DGKD: variants seen among roughly 807,000 people sequenced by gnomAD.
DGKD encodes DAG kinase delta.
In DGKD, 68 loss-of-function variants were observed where a neutral mutation model predicts 154.4. The observed-to-expected ratio is 0.44, with a 90% CI of 0.36 to 0.54. The LOEUF (loss-of-function observed/expected upper bound fraction) is 0.54, where lower values mean the gene tolerates loss of function less well. Among genes scored for constraint, DGKD ranks in the 20% least tolerant of loss-of-function variants. DGKD has a pLI of 0.00. For missense variants in DGKD, 1,343 were observed against 1,593.6 expected (o/e 0.84, Z 2.68); for synonymous variants, 693 against 638.0 (o/e 1.09, Z -1.30).
chr2:233,387,187 A>G (rs1274067605), intron 1 of DGKD, among the ~76,000 whole-genome samples: 2 of 152,140 alleles, frequency 1.3e-5, no homozygotes, highest in African/African-American at 4.8e-5. Context: ...GTGTTTGTGG[A>G]TACTTAAGAA....
intron 28 of DGKD, among the ~76,000 whole-genome samples, chr2:233,467,824 G>T (rs558838287): frequency 1.8e-4 from 27 of 152,338 alleles, no homozygotes. Flanking sequence ...GGCAGCTCCT[G>T]TGGGTTTTTC....
At chr2:233,385,979 A>AAGATTGTGCGTGTGCGTGTGTGTGCG (rs1372227138) in intron 1 of DGKD, 1 of 470,752 alleles carries the variant, frequency 2.1e-6, no homozygotes, top group Non-Finnish European at 4.4e-6. Context: ...CGCCCTCAGA[A>AAGATTGTGCGTGTGCGTGTGTGTGCG]AGATTGTGCG....
At chr2:233,447,916 G>C in intron 12 of DGKD, 171 bp from the exon 13 acceptor site, 2 of 1,443,926 alleles carry the variant, frequency 1.4e-6, no homozygotes, top group Non-Finnish European at 1.8e-6. Flanking sequence ...GTGAGTCCCA[G>C]ATTAGCGTTA....
At chr2:233,387,745 G>A (rs1703281868) in intron 1 of DGKD, among the ~76,000 whole-genome samples, 1 of 152,200 alleles carries the variant, frequency 6.6e-6, no homozygotes, top group African/African-American at 2.4e-5. Context: ...CCAGGCCTGT[G>A]AGTGGTGGGT....
intron 18 of DGKD, among the ~76,000 whole-genome samples, chr2:233,454,142 A>G (rs1013549766): frequency 6.6e-6 from 1 of 152,248 alleles, no homozygotes. Flanking sequence ...CTGCCGGGCC[A>G]TGTGGGATTG....
At chr2:233,428,590 G>T (rs1263148264) in intron 3 of DGKD, among the ~76,000 whole-genome samples, 1 of 152,116 alleles carries the variant, frequency 6.6e-6, no homozygotes, top group South Asian at 2.1e-4. Context: ...TAATAGCTCC[G>T]GTTTTCAGAT....
chr2:233,441,952 G>C lies in DGKD; in HGVS notation c.1151G>C (p.Gly384Ala). ...ILVCGGDGSV[G>A]WVLSEIDSLN... ...GTTTGTGGCGGGGATGGAAGTGTTGGCTGGGTCCTCTCCGAAATCGACAGC... is the reference window on the plus strand; with the variant it reads ...GTTTGTGGCGGGGATGGAAGTGTTGCCTGGGTCCTCTCCGAAATCGACAGC... The change falls in exon 10 of 30, where the codon GGC becomes GCC. Residue 384 changes from glycine (G) to alanine (A), a missense_variant. Around this residue, in one of 6 missense-constraint regions of DGKD, gnomAD observed 56 missense variants for 111.1 expected, o/e 0.50. Transcript: ENST00000264057. The surrounding 1 kb of genome is among the most constrained non-coding windows in gnomAD (Gnocchi z 5.6). The C allele has an allele frequency of 6.2e-7, 1 of 1,614,186 alleles. No individual in the cohort carries two copies. The highest frequency in any genetic ancestry group is 8.5e-7 in the Non-Finnish European group (1 of 1,180,022).
At chr2:233,358,592 C>T (rs1701633460) in intron 1 of DGKD, among the ~76,000 whole-genome samples, 1 of 152,208 alleles carries the variant, frequency 6.6e-6, no homozygotes, top group African/African-American at 2.4e-5. Flanking sequence ...CCATAGGCAA[C>T]AAGAATCTAC....
chr2:233,424,651 A>G (rs958132742), intron 3 of DGKD, among the ~76,000 whole-genome samples: 2 of 151,852 alleles, frequency 1.3e-5, no homozygotes, highest in African/African-American at 4.8e-5. Flanking sequence ...AGGCTGCGGG[A>G]TGGAGGTCCA....
intron 1 of DGKD, 92 bp from the exon 2 acceptor site, chr2:233,388,165 T>C (rs529455570): frequency 6.4e-7 from 1 of 1,562,420 alleles, no homozygotes; most frequent in Admixed American, 1.9e-5. Flanking sequence ...GAGACACGAA[T>C]ATGTTTCAGC....
intron 17 of DGKD, 28 bp from the exon 18 acceptor site, chr2:233,451,936 C>T (rs375974949): frequency 6.2e-7 from 1 of 1,606,582 alleles, no homozygotes; most frequent in Non-Finnish European, 8.5e-7. Context: ...CTGACCAGCA[C>T]CACCTCTTTC....
chr2:233,357,579 C>T (rs1387890942), intron 1 of DGKD, among the ~76,000 whole-genome samples: 1 of 150,160 alleles, frequency 6.7e-6, no homozygotes, highest in South Asian at 2.1e-4. Context: ...ACTTTGTCAC[C>T]CAGGCTGGAG....
At chr2:233,460,373 A>T (rs903388824) in intron 24 of DGKD, 28 bp downstream of exon 24, 11 of 1,611,692 alleles carry the variant, frequency 6.8e-6, no homozygotes, top group Non-Finnish European at 8.5e-6. Context: ...TGCGTTGCGC[A>T]TGAGCCTCCC....
intron 3 of DGKD, among the ~76,000 whole-genome samples, chr2:233,432,476 A>G (rs530096392): frequency 1.7e-3 from 249 of 148,880 alleles, no homozygotes; most frequent in East Asian, 4.8e-3. Flanking sequence ...TGGCTAACAC[A>G]GTGAAACCTC....
At chr2:233,373,251 T>C (rs143632240) in intron 1 of DGKD, among the ~76,000 whole-genome samples, 6 of 152,312 alleles carry the variant, frequency 3.9e-5, no homozygotes, top group Non-Finnish European at 8.8e-5. Flanking sequence ...GTTTACAGAA[T>C]GCGTTTCAGC....
Position 233,457,288 on chromosome 2 carries a change from C to T in DGKD, c.2540C>T (p.Ala847Val). 6.5e-7 allele frequency: 1 copy of T among 1,532,564 alleles called. No homozygotes were observed. Among genetic ancestry groups the T allele is most frequent in the South Asian group, 1.3e-5 (1 of 77,178 alleles). 94.9% of individuals were successfully genotyped at this position (1,532,564 alleles called of 1,614,324 possible). A position where few individuals can be genotyped will look rare whatever the true frequency, so the allele number is the denominator to read the frequency against. ...GIAVLNIPSYAGGTNFWGGTK... is the reference protein window; with the variant it reads ...GIAVLNIPSYVGGTNFWGGTK... ...GCTGTCCTTAACATTCCCAGCTATG[C>T]CGGAGGAACCAACTTCTGGGGGGGT... is the stretch of plus-strand genomic sequence containing the variant. The change falls in exon 21 of 30, where the codon GCC becomes GTC. Residue 847 changes from alanine to valine, a missense_variant. Coordinates refer to ENST00000264057, the MANE Select transcript of DGKD (RefSeq NM_152879.3). This position sits in a 1 kb window ranked among gnomAD's most constrained non-coding sequence, Gnocchi z 5.5.
rs1293880718 is a variant in DGKD at position 233,438,731 on chromosome 2, T to G, written c.1085+352T>G. On this transcript the variant is annotated intron_variant, in intron 9 of 29. Coordinates refer to ENST00000264057, the MANE Select transcript of DGKD (RefSeq NM_152879.3). The surrounding 1 kb of genome is among the most constrained non-coding windows in gnomAD (Gnocchi z 4.1). ...GGGTGTATTTTCTTTCATTTTATAA[T>G]TTTTTATTTATCTGTCTATCTATCA... 9.3e-6 allele frequency among the ~76,000 whole-genome samples: 1 copy of G among 107,696 alleles called. No individual in the cohort carries two copies. Among genetic ancestry groups the G allele is most frequent in the Non-Finnish European group, 2.1e-5 (1 of 48,146 alleles). The allele number at this position is 107,696 out of a possible 152,430, so 70.7% of individuals were successfully genotyped here.
chr2:233,438,290 C>T lies in DGKD; in HGVS notation c.996C>T (p.Asp332=), dbSNP rs750539012. 5.6e-6 allele frequency: 9 copies of T among 1,614,068 alleles called. No individual in the cohort carries two copies. Among genetic ancestry groups the T allele is most frequent in the South Asian group, 4.4e-5 (4 of 91,076 alleles). Residue 332 remains aspartate (D), a synonymous_variant, in exon 9 of 30, where the codon GAC becomes GAT. Coordinates refer to ENST00000264057, the MANE Select transcript of DGKD (RefSeq NM_152879.3). This position sits in a 1 kb window ranked among gnomAD's most constrained non-coding sequence, Gnocchi z 4.1. ...LLVFVNSKSG[D]NQGVKFLRRF... The stretch of plus-strand genomic sequence containing the variant: ...TCTTCGTCAATTCAAAAAGTGGGGA[C>T]AACCAGGGTGTGAAGTTCCTCAGAA...
intron 3 of DGKD, among the ~76,000 whole-genome samples, chr2:233,392,925 T>C (rs896692431): frequency 6.6e-6 from 1 of 152,268 alleles, no homozygotes; most frequent in Non-Finnish European, 1.5e-5. Flanking sequence ...AGTTTGCTTT[T>C]CTTGTCAGAT....
Sources: allele counts gnomAD v4.1 joint callset (sites outside exome capture counted in the v4.1 genomes callset), GRCh38; gene constraint gnomAD v4.1.1; regional missense constraint gnomAD v4.1.1; non-coding constraint Gnocchi (gnomAD v3.1); transcripts MANE v1.5; gene names NCBI Gene and HGNC (gene_info 2026-07-23, HGNC 2026-07-21).